PPM1E: variants seen among roughly 807,000 people sequenced by gnomAD.
The protein encoded by PPM1E is protein phosphatase 1E.
Under a neutral mutation model 65.9 loss-of-function variants are expected in PPM1E, and 20 were observed. The ratio of observed to expected loss-of-function variants is 0.30; its 90% CI spans 0.21 to 0.44. PPM1E has a LOEUF of 0.44. Ranked by LOEUF, PPM1E falls within the 20% of genes least tolerant of loss-of-function variation. The pLI is 1.00. For missense variants in PPM1E, 713 were observed against 953.1 expected (o/e 0.75, Z 3.32); for synonymous variants, 352 against 374.9 (o/e 0.94, Z 0.70).
At chr17:58,849,537 G>A (rs1026485358) in intron 1 of PPM1E, among the ~76,000 whole-genome samples, 6 of 152,208 alleles carry the variant, frequency 3.9e-5, no homozygotes, top group Non-Finnish European at 7.3e-5. Context: ...GTACCCAGTA[G>A]TCATTCAGGA....
At chr17:58,865,418 A>G (rs1334537803) in intron 1 of PPM1E, among the ~76,000 whole-genome samples, 1 of 151,776 alleles carries the variant, frequency 6.6e-6, no homozygotes, top group Non-Finnish European at 1.5e-5. Context: ...AGATTATGCA[A>G]TCCTGGGCCA....
intron 1 of PPM1E, among the ~76,000 whole-genome samples, chr17:58,932,501 C>T (rs2051914887): frequency 6.6e-6 from 1 of 152,028 alleles, no homozygotes; most frequent in South Asian, 2.1e-4. Context: ...GGAGGATGTA[C>T]TCCAGTAAAA....
rs182517754 is a variant in PPM1E, at chr17:58,843,475, G to A, written c.464+87014G>A. Among the ~76,000 whole-genome samples the A allele has an allele frequency of 1.3e-4, 19 of 151,984 alleles. No homozygotes were observed. In the South Asian group the frequency reaches 2.7e-3, roughly 22 times the overall value. On this transcript the variant is annotated intron_variant, in intron 1 of 6. Coordinates refer to ENST00000308249, the MANE Select transcript of PPM1E (RefSeq NM_014906.5). ...GTAGAGGTTGCAGTGAGCGGAGATC[G>A]CGCCACTTAGCCTGGGTGACAGAGC... is the stretch of plus-strand genomic sequence containing the variant.
At chr17:58,768,450 A>G (rs1451518685) in intron 1 of PPM1E, among the ~76,000 whole-genome samples, 11 of 152,128 alleles carry the variant, frequency 7.2e-5, no homozygotes, top group Admixed American at 7.2e-4. Flanking sequence ...TCTTCTCCAA[A>G]GAGCATCCGC....
intron 1 of PPM1E, among the ~76,000 whole-genome samples, chr17:58,873,784 G>A (rs2051099448): frequency 6.9e-6 from 1 of 144,880 alleles, no homozygotes; most frequent in Non-Finnish European, 1.5e-5. Context: ...TTTTTGTAGA[G>A]ATGGGATTTT....
At chr17:58,817,265 G>C (rs1393669149) in intron 1 of PPM1E, among the ~76,000 whole-genome samples, 3 of 152,124 alleles carry the variant, frequency 2.0e-5, no homozygotes, top group Non-Finnish European at 2.9e-5. Flanking sequence ...CCTGCTTACA[G>C]TTCTTTTGGG....
At chr17:58,921,664 C>CAA (rs1219765618) in intron 1 of PPM1E, among the ~76,000 whole-genome samples, 8 of 84,208 alleles carry the variant, frequency 9.5e-5, no homozygotes, top group African/African-American at 2.5e-4. Context: ...GACTCTATCT[C>CAA]AAAAAAAAAA....
intron 1 of PPM1E, among the ~76,000 whole-genome samples, chr17:58,890,908 C>T (rs2051336675): frequency 6.6e-6 from 1 of 152,174 alleles, no homozygotes; most frequent in Non-Finnish European, 1.5e-5. Context: ...GACCTTTTCT[C>T]ATTTACCTCT....
At chr17:58,845,580 G>A (rs189260760) in intron 1 of PPM1E, among the ~76,000 whole-genome samples, 2 of 152,072 alleles carry the variant, frequency 1.3e-5, no homozygotes, top group Non-Finnish European at 2.9e-5. Context: ...AATTTAAGTG[G>A]AATCATACAG....
intron 1 of PPM1E, among the ~76,000 whole-genome samples, chr17:58,947,561 T>C (rs2052178551): frequency 6.6e-6 from 1 of 150,972 alleles, no homozygotes; most frequent in Non-Finnish European, 1.5e-5. Flanking sequence ...TTCACTTATT[T>C]GACCTCTCAG....
At chr17:58,869,100 G>A (rs1457995764) in intron 1 of PPM1E, among the ~76,000 whole-genome samples, 3 of 152,192 alleles carry the variant, frequency 2.0e-5, no homozygotes, top group African/African-American at 4.8e-5. Flanking sequence ...AACCCGGGAG[G>A]CAGAGATTGT....
At chr17:58,758,401 G>A (rs970375062) in intron 1 of PPM1E, among the ~76,000 whole-genome samples, 4 of 151,868 alleles carry the variant, frequency 2.6e-5, no homozygotes, top group South Asian at 4.2e-4. Flanking sequence ...GGTGTCGCGC[G>A]CCTGTAATCC....
At chr17:58,802,784 C>G (rs112175726) in intron 1 of PPM1E, among the ~76,000 whole-genome samples, 2,506 of 151,964 alleles carry the variant, frequency 0.016, 68 homozygotes, top group African/African-American at 0.056. Flanking sequence ...TATTTTATTA[C>G]TTTTGATGTT....
At chr17:58,930,250 T>TACACACACAC (rs377147999) in intron 1 of PPM1E, among the ~76,000 whole-genome samples, 3 of 143,202 alleles carry the variant, frequency 2.1e-5, no homozygotes, top group East Asian at 2.0e-4. Context: ...TAAATGTATA[T>TACACACACAC]ACACACACAC....
intron 1 of PPM1E, among the ~76,000 whole-genome samples, chr17:58,902,355 G>A (rs1258690011): frequency 1.3e-5 from 2 of 151,770 alleles, no homozygotes; most frequent in African/African-American, 4.8e-5. Flanking sequence ...GAAGATAAAT[G>A]TTTGTGTTTT....
chr17:58,846,052 A>G (rs538058074), intron 1 of PPM1E, among the ~76,000 whole-genome samples: 2 of 152,174 alleles, frequency 1.3e-5, no homozygotes, highest in African/African-American at 4.8e-5. Flanking sequence ...TTATCCATTC[A>G]TCAGTCAGTT....
chr17:58,958,820 C>T (rs2029932260), intron 2 of PPM1E, among the ~76,000 whole-genome samples: 2 of 151,822 alleles, frequency 1.3e-5, no homozygotes, highest in Non-Finnish European at 2.9e-5. Context: ...GAGTCTCGCT[C>T]TTCCTTCAAG....
At chr17:58,893,981 G>A (rs897307375) in intron 1 of PPM1E, among the ~76,000 whole-genome samples, 1 of 151,964 alleles carries the variant, frequency 6.6e-6, no homozygotes, top group Non-Finnish European at 1.5e-5. Context: ...GGCTGAAGTG[G>A]TAGGATCCCT....
chr17:58,943,640 A>C (rs1567883033), intron 1 of PPM1E, among the ~76,000 whole-genome samples: 1 of 152,150 alleles, frequency 6.6e-6, no homozygotes, highest in Non-Finnish European at 1.5e-5. Flanking sequence ...CCAGACCCGC[A>C]GCATGAGTTC....
Sources: allele counts gnomAD v4.1 joint callset (sites outside exome capture counted in the v4.1 genomes callset), GRCh38; gene constraint gnomAD v4.1.1; transcripts MANE v1.5; gene names NCBI Gene and HGNC (gene_info 2026-07-23, HGNC 2026-07-21).